Variants in NUP133 observed in about 807,000 individuals in gnomAD.
NUP133 encodes nuclear pore complex protein Nup133.
NUP133 carries 66 observed loss-of-function variants against 146.2 expected under a neutral mutation model. That is an observed-to-expected ratio of 0.45 (90% CI 0.37 to 0.55). The LOEUF is 0.55. Among genes scored for constraint, NUP133 ranks in the 20% least tolerant of loss-of-function variants. The pLI, the probability that NUP133 is intolerant of heterozygous loss-of-function variation, is 0.00. For missense variants in NUP133, 1,277 were observed against 1,374.8 expected (o/e 0.93, Z 1.12); for synonymous variants, 521 against 498.8 (o/e 1.04, Z -0.59).
intron 8 of NUP133, among the ~76,000 whole-genome samples, chr1:229,495,059 T>A (rs1204546414): frequency 6.6e-6 from 1 of 152,116 alleles, no homozygotes; most frequent in Non-Finnish European, 1.5e-5. Context: ...GCAAGACCAT[T>A]CAGTAAGGCT....
intron 9 of NUP133, among the ~76,000 whole-genome samples, chr1:229,487,838 A>ATTTTTTT (rs10565327): frequency 8.5e-6 from 1 of 118,154 alleles, no homozygotes; most frequent in African/African-American, 3.5e-5. Flanking sequence ...TGCTTTTTTA[A>ATTTTTTT]TTTTTTTTTT....
At chr1:229,447,447 C>T (rs903425449) in intron 24 of NUP133, among the ~76,000 whole-genome samples, 1 of 151,886 alleles carries the variant, frequency 6.6e-6, no homozygotes, top group African/African-American at 2.4e-5. Context: ...CTCCTAAAAT[C>T]CTTAGGATCT....
chr1:229,441,165 T>C lies in NUP133; in HGVS notation c.*739A>G. 1 of 328,814 alleles carries C rather than the reference T, an allele frequency of 3.0e-6. No homozygotes were observed. The highest frequency in any genetic ancestry group is 3.9e-5 in the Admixed American group (1 of 25,626). 20.4% of individuals were successfully genotyped at this position (328,814 alleles called of 1,614,324 possible). ...TGCTTTTGACTAGCTAGGCAGACTG[T>C]GGTAAAGATTCATGAGTCATTCTGA... On this transcript the variant is annotated 3_prime_UTR_variant, in exon 26 of 26. Transcript: ENST00000261396.
At position 229,441,416 on chromosome 1, in the gene NUP133, A is replaced by G. The variant is rs765998975; in HGVS notation, c.*488T>C. ...CTCTCCTTTGGTTTTTCATCTCATA[A>G]TAAGTCAGCAAAAGTTGACATTTAT... On this transcript the variant is annotated 3_prime_UTR_variant, in exon 26 of 26. Transcript: ENST00000261396. The G allele has an allele frequency of 7.5e-6, 4 of 532,628 alleles. No individual in the cohort carries two copies. The highest frequency in any genetic ancestry group is 1.9e-5 in the Admixed American group (1 of 51,514). The allele number at this position is 532,628 out of a possible 1,614,324, so 33.0% of individuals were successfully genotyped here. A position where few individuals can be genotyped will look rare whatever the true frequency, so the allele number is the denominator to read the frequency against.
At chr1:229,494,129 CAAAAAAAAATAAA>C (rs1661592844) in intron 8 of NUP133, among the ~76,000 whole-genome samples, 1 of 146,732 alleles carries the variant, frequency 6.8e-6, no homozygotes, top group African/African-American at 2.5e-5. Context: ...GACTCAGTCT[CAAAAAAAAATAAA>C]AAGAAAAAAG....
At chr1:229,464,514 T>C in intron 18 of NUP133, 110 bp downstream of exon 18, 1 of 1,327,698 alleles carries the variant, frequency 7.5e-7, no homozygotes, top group Non-Finnish European at 1.0e-6. Context: ...TGCTTTAAGT[T>C]CTTTATTACA....
chr1:229,461,004 G>A lies in NUP133; in HGVS notation c.2686-235C>T, dbSNP rs7545077. Among the ~76,000 whole-genome samples, 894 of 152,290 alleles carry A rather than the reference G, an allele frequency of 5.9e-3. 6 individuals are homozygous for A. The highest frequency in any genetic ancestry group is 0.02 in the African/African-American group (824 of 41,560). Reference sequence around the variant, plus strand: ...ACAAGATTAATGGCAGAATCTAGATGTGCGCTGGCCAATATGGTAGCAACT... The same window carrying A: ...ACAAGATTAATGGCAGAATCTAGATATGCGCTGGCCAATATGGTAGCAACT... On this transcript the variant is annotated intron_variant, in intron 19 of 25. Coordinates refer to ENST00000261396, the MANE Select transcript of NUP133 (RefSeq NM_018230.3).
chr1:229,492,370 G>A (rs1472372170), intron 8 of NUP133, among the ~76,000 whole-genome samples: 1 of 152,072 alleles, frequency 6.6e-6, no homozygotes, highest in Non-Finnish European at 1.5e-5. Flanking sequence ...GCCTCCCAAA[G>A]TGCTGGGATT....
intron 10 of NUP133, 59 bp from the exon 11 acceptor site, chr1:229,486,587 A>G: frequency 6.7e-7 from 1 of 1,492,550 alleles, no homozygotes; most frequent in Non-Finnish European, 9.1e-7. Context: ...ATGCTATGTA[A>G]AAGCTACCAC....
At position 229,441,807 on chromosome 1, in the gene NUP133, T is replaced by C; in HGVS notation, c.*97A>G. ...AGTATAAAAACTCAGCTATACATGT[T>C]ATGAAATTGTACAAACTTACACTTG... is the stretch of plus-strand genomic sequence containing the variant. On this transcript the variant is annotated 3_prime_UTR_variant, in exon 26 of 26. Transcript: ENST00000261396. 1.0e-6 allele frequency: 1 copy of C among 978,950 alleles called. No homozygotes were observed. Among genetic ancestry groups the C allele is most frequent in the Non-Finnish European group, 1.5e-6 (1 of 668,230 alleles). The allele number at this position is 978,950 out of a possible 1,614,324, so 60.6% of individuals were successfully genotyped here.
chr1:229,450,449 T>C lies in NUP133; in HGVS notation c.3180+76A>G, dbSNP rs79029719. 5.4e-3 allele frequency: 3,653 copies of C among 681,940 alleles called. 39 individuals carry two copies. Among genetic ancestry groups the C allele is most frequent in the African/African-American group, 0.025 (1,340 of 54,052 alleles). 42.2% of individuals were successfully genotyped at this position (681,940 alleles called of 1,614,324 possible). A position where few individuals can be genotyped will look rare whatever the true frequency, so the allele number is the denominator to read the frequency against. ...TTTTTTGCTTAATTCATTTTCATGA[T>C]TGACTAAAAGAGGGATCTCCCTCTT... On this transcript the variant is annotated intron_variant, in intron 23 of 25. Coordinates refer to ENST00000261396, the MANE Select transcript of NUP133 (RefSeq NM_018230.3).
chr1:229,456,910 C>T (rs1660581868), intron 21 of NUP133, among the ~76,000 whole-genome samples: 1 of 151,632 alleles, frequency 6.6e-6, no homozygotes, highest in African/African-American at 2.4e-5. Flanking sequence ...TCACTGCCAC[C>T]TCAACCTCCT....
intron 12 of NUP133, among the ~76,000 whole-genome samples, chr1:229,480,887 G>T (rs1201858135): frequency 6.1e-5 from 9 of 148,000 alleles, no homozygotes; most frequent in Non-Finnish European, 8.9e-5. Flanking sequence ...AAGAGACAAG[G>T]TTTCACCATG....
At chr1:229,480,036 A>T (rs1031296943) in intron 12 of NUP133, among the ~76,000 whole-genome samples, 1 of 152,242 alleles carries the variant, frequency 6.6e-6, no homozygotes, top group Non-Finnish European at 1.5e-5. Context: ...ATGTAGTCTT[A>T]AGTGAAGCAG....
chr1:229,457,685 T>C (rs1470401153), intron 21 of NUP133, among the ~76,000 whole-genome samples: 2 of 152,242 alleles, frequency 1.3e-5, no homozygotes, highest in Non-Finnish European at 2.9e-5. Context: ...TTAATTCTTT[T>C]TTCCCCAAAT....
intron 9 of NUP133, 127 bp from the exon 10 acceptor site, chr1:229,487,740 A>G: frequency 1.4e-6 from 1 of 697,146 alleles, no homozygotes; most frequent in Non-Finnish European, 2.3e-6. Context: ...AAAAATCTGA[A>G]CACTACCCAT....
intron 14 of NUP133, among the ~76,000 whole-genome samples, chr1:229,471,293 G>C (rs1439690992): frequency 2.0e-5 from 3 of 152,080 alleles, no homozygotes; most frequent in Non-Finnish European, 4.4e-5. Flanking sequence ...TATTTTTGTA[G>C]AGATGGGGTC....
Position 229,464,651 on chromosome 1 carries a change from T to C in NUP133, c.2524A>G (p.Lys842Glu). 6.2e-7 allele frequency: 1 copy of C among 1,614,226 alleles called. No individual in the cohort carries two copies. The highest frequency in any genetic ancestry group is 8.5e-7 in the Non-Finnish European group (1 of 1,180,026). The change falls in exon 18 of 26, where the codon AAA becomes GAA. Residue 842 changes from lysine to glutamate, a missense_variant. Physicochemically the swap from Lys to Glu is moderately conservative, Grantham distance 56. Coordinates refer to ENST00000261396, the MANE Select transcript of NUP133 (RefSeq NM_018230.3). ...YDNLEMEYLQ[K>E]RSDLLSPLLS... ...AGAGGAGATAAGAGATCTGATCTTTTCTGTAGGTATTCCATCTCCAGATTG... is the reference window on the plus strand; with the variant it reads ...AGAGGAGATAAGAGATCTGATCTTTCCTGTAGGTATTCCATCTCCAGATTG...
At chr1:229,446,701 T>C (rs913342322) in intron 24 of NUP133, among the ~76,000 whole-genome samples, 17 of 151,946 alleles carry the variant, frequency 1.1e-4, no homozygotes, top group African/African-American at 3.9e-4. Flanking sequence ...GCCACTGCAC[T>C]CCAGCCTGGG....
Sources: allele counts gnomAD v4.1 joint callset (sites outside exome capture counted in the v4.1 genomes callset), GRCh38; gene constraint gnomAD v4.1.1; transcripts MANE v1.5; gene names NCBI Gene and HGNC (gene_info 2026-07-23, HGNC 2026-07-21).